Variants in RALYL observed in about 807,000 individuals in gnomAD.
RALYL encodes RALY RNA binding protein like, also known as RNA-binding Raly-like protein.
RALYL carries 29 observed loss-of-function variants against 35.1 expected under a neutral mutation model. The observed-to-expected ratio is 0.83, with a 90% CI of 0.61 to 1.13. The LOEUF (loss-of-function observed/expected upper bound fraction) is 1.13. Among genes scored for constraint, RALYL ranks in the 50% most tolerant of loss-of-function variants. RALYL has a pLI of 0.00. For synonymous variants in RALYL, 120 were observed against 127.6 expected (o/e 0.94, Z 0.40); for missense variants, 359 against 360.4 (o/e 1.00, Z 0.03).
intron 8 of RALYL, among the ~76,000 whole-genome samples, chr8:84,920,142 A>T: frequency 6.6e-6 from 1 of 152,140 alleles, no homozygotes; most frequent in East Asian, 1.9e-4. Context: ...CTCTTAAGAC[A>T]TACACAGATT....
At chr8:84,429,059 C>G (rs1446272861) in intron 1 of RALYL, among the ~76,000 whole-genome samples, 7 of 151,996 alleles carry the variant, frequency 4.6e-5, no homozygotes, top group Non-Finnish European at 1.0e-4. Context: ...CTAATGAAAG[C>G]CAAGCAAAGG....
At chr8:84,413,997 T>C (rs1008439018) in intron 1 of RALYL, among the ~76,000 whole-genome samples, 7 of 152,216 alleles carry the variant, frequency 4.6e-5, no homozygotes, top group Non-Finnish European at 8.8e-5. Flanking sequence ...TTTTTCTAAG[T>C]AACCTCAGAA....
chr8:84,690,106 C>A (rs1244516660), intron 2 of RALYL, among the ~76,000 whole-genome samples: 1 of 152,010 alleles, frequency 6.6e-6, no homozygotes, highest in East Asian at 1.9e-4. Context: ...TTCACAACAT[C>A]CAAGATATGA....
intron 2 of RALYL, among the ~76,000 whole-genome samples, chr8:84,709,467 T>C (rs926850818): frequency 2.0e-5 from 3 of 152,124 alleles, no homozygotes; most frequent in Non-Finnish European, 4.4e-5. Flanking sequence ...CATATATGCT[T>C]TTAAAGTTCT....
At chr8:84,598,831 A>C (rs780892240) in intron 2 of RALYL, among the ~76,000 whole-genome samples, 7 of 152,108 alleles carry the variant, frequency 4.6e-5, no homozygotes, top group Non-Finnish European at 1.0e-4. Context: ...TTTTCTTTGG[A>C]AAAATATCCA....
chr8:84,417,713 T>C (rs956528912), intron 1 of RALYL, among the ~76,000 whole-genome samples: 6 of 152,054 alleles, frequency 3.9e-5, no homozygotes, highest in African/African-American at 1.2e-4. Flanking sequence ...CCTAGTGTTA[T>C]ATCAGGGACG....
At position 84,431,209 on chromosome 8, in the gene RALYL, G is replaced by C. The variant is rs1315633225; in HGVS notation, c.-23-98090G>C. On this transcript the variant is annotated intron_variant, in intron 1 of 8. Coordinates refer to ENST00000521268, the MANE Select transcript of RALYL (RefSeq NM_173848.7). ...TTTACTGTTAAGCCTCCTTCCACTG[G>C]GGAGACAACTGCAAGGCAGGAAGGG... Among the ~76,000 whole-genome samples, 4 of 151,906 alleles carry C rather than the reference G, an allele frequency of 2.6e-5. No individual in the cohort carries two copies. The East Asian group carries it at 7.7e-4, about 29-fold the overall frequency.
chr8:84,309,788 T>A (rs1053122610), intron 1 of RALYL, among the ~76,000 whole-genome samples: 5 of 152,012 alleles, frequency 3.3e-5, no homozygotes, highest in Non-Finnish European at 7.4e-5. Flanking sequence ...AAGTGGGTGT[T>A]TGTTTGTTTT....
At chr8:84,753,539 T>C (rs1235937499) in intron 2 of RALYL, among the ~76,000 whole-genome samples, 4 of 152,146 alleles carry the variant, frequency 2.6e-5, no homozygotes, top group Non-Finnish European at 5.9e-5. Context: ...TAATTCCCAG[T>C]GTTAGAGATG....
At chr8:84,232,106 G>A (rs75112156) in intron 1 of RALYL, among the ~76,000 whole-genome samples, 13,968 of 152,132 alleles carry the variant, frequency 0.092, 940 homozygotes, top group East Asian at 0.23. Context: ...TCGGATGAAT[G>A]GGATATTTAA....
chr8:84,872,742 G>A (rs1418313649), intron 6 of RALYL: 1 of 152,174 alleles, frequency 6.6e-6, no homozygotes, highest in Admixed American at 6.6e-5. Flanking sequence ...TTTTATTTAG[G>A]AAAACTGAAG....
At chr8:84,770,506 A>G (rs887259689) in intron 2 of RALYL, among the ~76,000 whole-genome samples, 1 of 151,254 alleles carries the variant, frequency 6.6e-6, no homozygotes, top group African/African-American at 2.4e-5. Context: ...GCTGCTATAA[A>G]TATGCACGTG....
At chr8:84,388,070 C>A (rs1859662054) in intron 1 of RALYL, among the ~76,000 whole-genome samples, 1 of 151,964 alleles carries the variant, frequency 6.6e-6, no homozygotes, top group South Asian at 2.1e-4. Flanking sequence ...TCAATTCCCA[C>A]CTATGAGTGA....
At chr8:84,598,869 A>AGTACCCC in intron 2 of RALYL, among the ~76,000 whole-genome samples, 1 of 151,916 alleles carries the variant, frequency 6.6e-6, no homozygotes, top group East Asian at 1.9e-4. Context: ...TTCTGTTTCT[A>AGTACCCC]GTTTTTGGAG....
intron 1 of RALYL, among the ~76,000 whole-genome samples, chr8:84,522,753 G>A (rs963676863): frequency 7.9e-5 from 12 of 152,240 alleles, no homozygotes; most frequent in Non-Finnish European, 1.3e-4. Context: ...ATAACTTTTA[G>A]TGTATGATCC....
rs541521531 is a variant in RALYL at position 84,590,146 on chromosome 8, A to G, written c.256+60569A>G. ...CATACTCCTAAAAATAGCAAAAGGA[A>G]ATATCACAGGAATATGAAATCTGTG... On this transcript the variant is annotated intron_variant, in intron 2 of 8. Coordinates refer to ENST00000521268, the MANE Select transcript of RALYL (RefSeq NM_173848.7). Among the ~76,000 whole-genome samples, 38 of 152,356 alleles carry G rather than the reference A, an allele frequency of 2.5e-4. No homozygotes were observed. The South Asian group carries it at 6.2e-3, about 25-fold the overall frequency.
rs185980286 is a variant in RALYL, at chr8:84,209,413, A to G, written c.-24+24989A>G. ...TCAGACATATCTAGACTCAGATACTAGCTTTGCATCCTACACTCTAAAAGC... is the reference window on the plus strand; with the variant it reads ...TCAGACATATCTAGACTCAGATACTGGCTTTGCATCCTACACTCTAAAAGC... On this transcript the variant is annotated intron_variant, in intron 1 of 8. Coordinates refer to ENST00000521268, the MANE Select transcript of RALYL (RefSeq NM_173848.7). Among the ~76,000 whole-genome samples, 8 of 152,310 alleles carry G rather than the reference A, an allele frequency of 5.3e-5. No homozygotes were observed. The East Asian group carries it at 7.7e-4, about 15-fold the overall frequency.
intron 2 of RALYL, among the ~76,000 whole-genome samples, chr8:84,651,573 T>C (rs546567162): frequency 3.3e-4 from 50 of 152,146 alleles, no homozygotes; most frequent in African/African-American, 1.1e-3. Flanking sequence ...ATTTATTTGA[T>C]CTTGAAAAGT....
chr8:84,256,644 A>G (rs1831262113), intron 1 of RALYL, among the ~76,000 whole-genome samples: 1 of 152,068 alleles, frequency 6.6e-6, no homozygotes, highest in Non-Finnish European at 1.5e-5. Flanking sequence ...AATGTTATTT[A>G]TTGACTTTGT....
Sources: allele counts gnomAD v4.1 joint callset (sites outside exome capture counted in the v4.1 genomes callset), GRCh38; gene constraint gnomAD v4.1.1; transcripts MANE v1.5; gene names NCBI Gene and HGNC (gene_info 2026-07-23, HGNC 2026-07-21).